Variants in PTPRO observed in about 807,000 individuals in gnomAD.
The protein encoded by PTPRO is protein tyrosine phosphatase receptor type O.
PTPRO carries 62 observed loss-of-function variants against 145.2 expected under a neutral mutation model. The ratio of observed to expected loss-of-function variants is 0.43; its 90% CI spans 0.35 to 0.53. The LOEUF (loss-of-function observed/expected upper bound fraction) is 0.53, where lower values mean the gene tolerates loss of function less well. Ranked by LOEUF, PTPRO falls within the 20% of genes least tolerant of loss-of-function variation. The pLI is 0.01. For missense variants in PTPRO, 1,345 were observed against 1,482.7 expected, an observed-to-expected ratio of 0.91 and a Z score of 1.53; for synonymous variants, 565 against 514.7, an observed-to-expected ratio of 1.10 and a Z score of -1.32.
At chr12:15,517,211 A>C (rs1942618351) in intron 9 of PTPRO, 1 of 546,420 alleles carries the variant, frequency 1.8e-6, no homozygotes, top group Non-Finnish European at 3.3e-6. Flanking sequence ...AGGAGGAGCA[A>C]GTCATGTCTT....
chr12:15,512,299 G>C (rs1271288439), intron 7 of PTPRO, among the ~76,000 whole-genome samples: 1 of 151,996 alleles, frequency 6.6e-6, no homozygotes, highest in Non-Finnish European at 1.5e-5. Flanking sequence ...ATTTTTAGTA[G>C]AGACGGGTTT....
chr12:15,506,769 C>A (rs1372784297), intron 6 of PTPRO, among the ~76,000 whole-genome samples: 1 of 152,154 alleles, frequency 6.6e-6, no homozygotes, highest in South Asian at 2.1e-4. Flanking sequence ...GACACAGAGC[C>A]AAACCATATC....
chr12:15,586,777 G>GT, intron 23 of PTPRO, 120 bp from the exon 24 acceptor site: 1 of 1,087,908 alleles, frequency 9.2e-7, no homozygotes, highest in Non-Finnish European at 1.4e-6. Flanking sequence ...GGAAAGGAAA[G>GT]TGTACTGACC....
intron 10 of PTPRO, among the ~76,000 whole-genome samples, chr12:15,520,547 C>T (rs541407660): frequency 7.9e-5 from 12 of 152,244 alleles, no homozygotes; most frequent in African/African-American, 2.9e-4. Context: ...TATTCTGAGG[C>T]ACTGACCTTG....
Position 15,514,058 on chromosome 12 carries a change from G to T in PTPRO, c.1465-1440G>T, listed in dbSNP as rs545957842. On this transcript the variant is annotated intron_variant, in intron 7 of 26. Transcript: ENST00000281171. ...CCTTTTAGTTGAATTATCAATTCTT[G>T]TGTGTGCCAACATTCAAATTTAATA... Among the ~76,000 whole-genome samples, 368 of 152,236 alleles carry T rather than the reference G, an allele frequency of 2.4e-3. 1 individual carries two copies. Among genetic ancestry groups the T allele is most frequent in the African/African-American group, 8.6e-3 (358 of 41,542 alleles).
intron 1 of PTPRO, among the ~76,000 whole-genome samples, chr12:15,433,151 A>C (rs369160624): frequency 6.9e-6 from 1 of 144,762 alleles, no homozygotes; most frequent in East Asian, 2.0e-4. Flanking sequence ...GTTGTCTTTC[A>C]GGGTTTTTAC....
At chr12:15,491,813 G>A (rs1005592210) in intron 2 of PTPRO, among the ~76,000 whole-genome samples, 6 of 152,166 alleles carry the variant, frequency 3.9e-5, no homozygotes, top group Non-Finnish European at 8.8e-5. Context: ...TGGGCCCTCT[G>A]TGCTCTGGGT....
intron 1 of PTPRO, among the ~76,000 whole-genome samples, chr12:15,352,784 G>A (rs1200518787): frequency 6.6e-6 from 1 of 152,108 alleles, no homozygotes; most frequent in Non-Finnish European, 1.5e-5. Context: ...ATGTGATTCA[G>A]CCTTGATACA....
intron 25 of PTPRO, among the ~76,000 whole-genome samples, chr12:15,592,256 G>A (rs1315320879): frequency 1.3e-5 from 2 of 152,070 alleles, no homozygotes; most frequent in East Asian, 3.9e-4. Flanking sequence ...AAGTTAACAA[G>A]GAAAGAACAA....
At chr12:15,468,361 C>T (rs1030505533) in intron 1 of PTPRO, among the ~76,000 whole-genome samples, 41 of 152,330 alleles carry the variant, frequency 2.7e-4, no homozygotes, top group Non-Finnish European at 5.3e-4. Flanking sequence ...CATAAAGCCT[C>T]TAACTTTTTT....
intron 1 of PTPRO, among the ~76,000 whole-genome samples, chr12:15,409,279 T>C (rs1939729703): frequency 6.6e-6 from 1 of 152,152 alleles, no homozygotes. Flanking sequence ...AAAAAGAGGC[T>C]CAAAGGTATT....
At chr12:15,440,083 C>T in intron 1 of PTPRO, 1 of 634,032 alleles carries the variant, frequency 1.6e-6, no homozygotes, top group Non-Finnish European at 2.9e-6. Flanking sequence ...TGACAGACCG[C>T]TGCAGCTCTG....
chr12:15,468,943 A>G (rs982687300), intron 1 of PTPRO, among the ~76,000 whole-genome samples: 1 of 152,312 alleles, frequency 6.6e-6, no homozygotes, highest in East Asian at 1.9e-4. Flanking sequence ...AGTTCTGACA[A>G]TTTTGTTGTT....
intron 3 of PTPRO, 112 bp downstream of exon 3, chr12:15,497,515 T>C: frequency 8.7e-7 from 1 of 1,143,304 alleles, no homozygotes; most frequent in Admixed American, 2.0e-5. Context: ...CTATTTGACC[T>C]ATAAATGAGC....
At chr12:15,510,476 C>T (rs951093478) in intron 7 of PTPRO, among the ~76,000 whole-genome samples, 10 of 152,244 alleles carry the variant, frequency 6.6e-5, no homozygotes, top group African/African-American at 2.2e-4. Context: ...TTAATGTACA[C>T]ATTATATATC....
At chr12:15,470,160 C>T (rs992170390) in intron 1 of PTPRO, among the ~76,000 whole-genome samples, 15 of 152,048 alleles carry the variant, frequency 9.9e-5, no homozygotes, top group African/African-American at 3.6e-4. Flanking sequence ...GGGAATTTGC[C>T]ACCAATTAAG....
chr12:15,519,016 T>G (rs1942656156), intron 9 of PTPRO, among the ~76,000 whole-genome samples: 1 of 152,192 alleles, frequency 6.6e-6, no homozygotes, highest in Non-Finnish European at 1.5e-5. Flanking sequence ...CAATTTACTG[T>G]ATTCATTCGT....
chr12:15,550,197 A>G (rs61908070), intron 14 of PTPRO, among the ~76,000 whole-genome samples: 15,938 of 152,232 alleles, frequency 0.1, 1,151 homozygotes, highest in Non-Finnish European at 0.15. Flanking sequence ...ACATTTTTGT[A>G]TGTTATACTT....
intron 2 of PTPRO, among the ~76,000 whole-genome samples, chr12:15,487,577 C>T (rs1038324041): frequency 6.6e-6 from 1 of 152,044 alleles, no homozygotes; most frequent in African/African-American, 2.4e-5. Context: ...CACCCCCATA[C>T]CCCCATCCCC....
Sources: allele counts gnomAD v4.1 joint callset (sites outside exome capture counted in the v4.1 genomes callset), GRCh38; gene constraint gnomAD v4.1.1; transcripts MANE v1.5; gene names NCBI Gene and HGNC (gene_info 2026-07-23, HGNC 2026-07-21).